The following PCSK4 variants were observed in gnomAD, a reference collection of about 807,000 sequenced individuals.
The protein encoded by PCSK4 is testicular tissue protein Li 135.
Under a neutral mutation model 80.3 loss-of-function variants are expected in PCSK4, and 64 were observed. That is an observed-to-expected ratio of 0.80 (90% confidence interval 0.65 to 0.98). The LOEUF (loss-of-function observed/expected upper bound fraction) is 0.98. PCSK4 is among the 50% of genes least tolerant of loss of function. The probability of loss-of-function intolerance (pLI) is 0.00; values close to 1 mark genes in which losing one functional copy is unlikely to be tolerated. For missense variants in PCSK4, 1,213 were observed against 1,093.6 expected (o/e 1.11, Z -1.54); for synonymous variants, 561 against 487.6 (o/e 1.15, Z -1.98).
upstream of PCSK4, chr19:1,490,864 A>C: frequency 5.8e-6 from 1 of 172,400 alleles, no homozygotes; most frequent in East Asian, 1.4e-4. Flanking sequence ...ATCGGCTCGG[A>C]TGTTTCTTTA....
At chr19:1,485,854 G>C (rs1210298939) in intron 8 of PCSK4, among the ~76,000 whole-genome samples, 1 of 152,144 alleles carries the variant, frequency 6.6e-6, no homozygotes. Flanking sequence ...CTGGACGACA[G>C]AGCCAGACTC....
At position 1,483,768 on chromosome 19, in the gene PCSK4, C is replaced by G. The variant is rs778234333; in HGVS notation, c.1274-1G>C. The G allele has an allele frequency of 1.1e-5, 18 of 1,582,400 alleles. No homozygotes were observed. The highest frequency in any genetic ancestry group is 1.5e-5 in the Non-Finnish European group (17 of 1,171,886). On this transcript the variant is annotated splice_acceptor_variant, in intron 10 of 14. Transcript: ENST00000300954. LOFTEE classifies it high-confidence loss of function. ...AGCCCGTATCCGTAGTGATGGCTCA[C>G]TGCGCGGAAGGGCAGCAGTCACTCG...
Position 1,483,885 on chromosome 19 carries a change from G to A in PCSK4, c.1226C>T (p.Ala409Val), listed in dbSNP as rs781496134. 17 of 1,494,204 alleles carry A rather than the reference G, an allele frequency of 1.1e-5. No individual in the cohort carries two copies. The highest frequency in any genetic ancestry group is 2.3e-4 in the Middle Eastern group (1 of 4,388). 92.6% of individuals were successfully genotyped at this position (1,494,204 alleles called of 1,614,324 possible). ...CCTCCAGTCCTCGGCCTGCAGGTGC[G>A]CCGGCTTGGACGCGCGGACCACCAG... The change falls in exon 10 of 15, where the codon GCG becomes GTG. Residue 409 changes from alanine to valine, a missense_variant. Coordinates refer to ENST00000300954, the Ensembl canonical transcript of PCSK4.
intron 13 of PCSK4, 139 bp from the exon 14 acceptor site, chr19:1,482,614 T>A: frequency 9.3e-7 from 1 of 1,072,446 alleles, no homozygotes; most frequent in Non-Finnish European, 1.3e-6. Flanking sequence ...ATTGCACACC[T>A]ACTGTGCGCC....
At chr19:1,484,737 T>G (rs1057214212) in intron 8 of PCSK4, among the ~76,000 whole-genome samples, 1 of 149,570 alleles carries the variant, frequency 6.7e-6, no homozygotes, top group African/African-American at 2.5e-5. Context: ...CACTTGAACC[T>G]AGGAGGCAGA....
chr19:1,489,130 CTTTT>C (rs996269474), intron 2 of PCSK4, among the ~76,000 whole-genome samples: 1 of 128,842 alleles, frequency 7.8e-6, no homozygotes, highest in Non-Finnish European at 1.6e-5. Context: ...AAGCCTCCTA[CTTTT>C]TTTTTTTTTT....
intron 11 of PCSK4, 32 bp downstream of exon 11, chr19:1,483,618 G>C (rs1338122002): frequency 6.6e-7 from 1 of 1,523,574 alleles, no homozygotes; most frequent in African/African-American, 1.4e-5. Flanking sequence ...CACCCCCAGC[G>C]GGGATAGCGG....
At chr19:1,486,576 G>A (rs1241200030) in intron 8 of PCSK4, among the ~76,000 whole-genome samples, 5 of 151,924 alleles carry the variant, frequency 3.3e-5, no homozygotes, top group Admixed American at 6.6e-5. Context: ...GATTACAGGC[G>A]TCAGCCACCG....
chr19:1,481,668 G>C (rs917835446), exon 15 of PCSK4: 1 of 890,686 alleles, frequency 1.1e-6, no homozygotes, highest in Non-Finnish European at 1.6e-6. Flanking sequence ...GCTGGTGCTC[G>C]CTCCTCTGGG....
rs144003479 is a variant in PCSK4 at position 1,486,907 on chromosome 19, G to A, written c.1014C>T (p.Cys338=). Residue 338 remains cysteine, a synonymous_variant, in exon 8 of 15, where the codon TGC becomes TGT. Transcript: ENST00000300954. ...TGTAGGTGGTGGTGAGGGTGGAGGC[G>A]CAGGCTTCGCTGTACCAGGGCACGC... The A allele has an allele frequency of 1.7e-4, 267 of 1,602,176 alleles. No homozygotes were observed. The African/African-American group carries it at 2.1e-3, about 13-fold the overall frequency.
At chr19:1,482,679 A>G (rs1047659253) in intron 13 of PCSK4, 2 of 767,182 alleles carry the variant, frequency 2.6e-6, no homozygotes, top group Non-Finnish European at 4.1e-6. Context: ...TGCGCCTGTC[A>G]CTGGGCACCT....
chr19:1,483,414 C>T (rs760045089), exon 12 of PCSK4: 17 of 1,598,998 alleles, frequency 1.1e-5, no homozygotes, highest in South Asian at 4.4e-5. Flanking sequence ...TTGTGGAGGC[C>T]GGCGCAGGCC....
At chr19:1,490,349 A>T (rs906484384) in exon 1 of PCSK4, 3 of 1,164,238 alleles carry the variant, frequency 2.6e-6, no homozygotes, top group Admixed American at 2.7e-5. Flanking sequence ...GGCCGCATGG[A>T]GGCGGGGCGG....
intron 6 of PCSK4, 135 bp downstream of exon 6, chr19:1,487,468 A>G: frequency 4.0e-6 from 4 of 993,314 alleles, no homozygotes; most frequent in East Asian, 5.2e-5. Flanking sequence ...GCACCCCCCA[A>G]GCCCTGGAGT....
exon 7 of PCSK4, chr19:1,487,307 C>G: frequency 6.3e-7 from 1 of 1,587,606 alleles, no homozygotes; most frequent in Non-Finnish European, 8.5e-7. Context: ...GTCCAGCATC[C>G]GTACGCCTGC....
At chr19:1,490,536 C>G, upstream of PCSK4, 2 of 506,324 alleles carry the variant, frequency 4.0e-6, no homozygotes, top group Non-Finnish European at 6.9e-6. Flanking sequence ...CGCACGCCTG[C>G]CCGTCTTCCG....
At chr19:1,481,630 C>A (rs959106818) in exon 15 of PCSK4, 1 of 580,500 alleles carries the variant, frequency 1.7e-6, no homozygotes, top group Admixed American at 3.2e-5. Context: ...TTCCACGGGG[C>A]CCATCCCTGG....
chr19:1,482,142 TGAA>T, exon 15 of PCSK4: 1 of 1,558,778 alleles, frequency 6.4e-7, no homozygotes. Flanking sequence ...CTTGTGTGGT[TGAA>T]GAACCGCGGG....
At chr19:1,483,460 G>A (rs771305476) in exon 12 of PCSK4, 14 of 1,586,226 alleles carry the variant, frequency 8.8e-6, no homozygotes, top group Middle Eastern at 1.7e-4. Context: ...GCGGCAGGAT[G>A]GGGCTGAGGG....
Sources: gnomAD v4.1 joint callset for allele counts (sites outside exome capture counted in the v4.1 genomes callset) on GRCh38, gnomAD v4.1.1 for gene constraint, MANE v1.5 for transcripts, NCBI Gene and HGNC (gene_info 2026-07-23, HGNC 2026-07-21) for gene names.